Variants in GOSR1 observed in about 807,000 individuals in gnomAD.
GOSR1 encodes the protein 28 kDa Golgi SNARE protein.
In GOSR1, 21 loss-of-function variants were observed where a neutral mutation model predicts 35.5. The ratio of observed to expected loss-of-function variants is 0.59; its 90% CI spans 0.42 to 0.85. The LOEUF (loss-of-function observed/expected upper bound fraction) is 0.85, where lower values mean the gene tolerates loss of function less well. Ranked by LOEUF, GOSR1 falls within the 40% of genes least tolerant of loss-of-function variation. The pLI, the probability that GOSR1 is intolerant of heterozygous loss-of-function variation, is 0.00. For synonymous variants in GOSR1, 94 were observed against 106.6 expected (o/e 0.88, Z 0.73); for missense variants, 285 against 309.6 (o/e 0.92, Z 0.60).
At chr17:30,477,598 G>A (rs1160097208) in intron 1 of GOSR1, 134 bp downstream of exon 1, 1 of 1,392,390 alleles carries the variant, frequency 7.2e-7, no homozygotes, top group East Asian at 2.8e-5. Flanking sequence ...GCTTGCCTAA[G>A]TGGGATCCCC....
At chr17:30,494,808 C>A (rs7218912) in intron 6 of GOSR1, among the ~76,000 whole-genome samples, 92,130 of 151,366 alleles carry the variant, frequency 0.61, 29,363 homozygotes, top group East Asian at 0.83. Flanking sequence ...GGGTTTCACT[C>A]TGTTGGCCAG....
intron 6 of GOSR1, among the ~76,000 whole-genome samples, chr17:30,497,619 T>C (rs982679808): frequency 1.4e-4 from 22 of 152,234 alleles, no homozygotes; most frequent in Non-Finnish European, 3.1e-4. Flanking sequence ...ATTTTGCCTA[T>C]AGTGGTGTTA....
chr17:30,491,917 A>G (rs182561710), intron 5 of GOSR1, among the ~76,000 whole-genome samples: 36 of 152,208 alleles, frequency 2.4e-4, no homozygotes, highest in Non-Finnish European at 3.7e-4. Flanking sequence ...CCTGAGTCCA[A>G]TGTGTTCTTG....
intron 7 of GOSR1, among the ~76,000 whole-genome samples, chr17:30,511,153 A>T (rs1157738480): frequency 6.6e-6 from 1 of 152,190 alleles, no homozygotes; most frequent in African/African-American, 2.4e-5. Flanking sequence ...AATTTTTCCA[A>T]TTAATTTATA....
In GOSR1 at chr17:30,509,119, G is replaced by T. The variant is rs149464316; in HGVS notation, c.510-1761G>T. 5.9e-5 allele frequency among the ~76,000 whole-genome samples: 9 copies of T among 152,212 alleles called. No homozygotes were observed. In the East Asian group the frequency reaches 1.7e-3, roughly 29 times the overall value. On this transcript the variant is annotated intron_variant, in intron 6 of 8. Coordinates refer to ENST00000451249, the MANE Select transcript of GOSR1 (RefSeq NM_001007025.2). The stretch of plus-strand genomic sequence containing the variant: ...GCCTCCCGAGTAGCTGGGATTACAG[G>T]TGCCCGCCACCATGCCCAGCTAATT...
At chr17:30,480,725 T>TTTTTTTTTTC (rs1030095074) in intron 1 of GOSR1, 5 of 151,756 alleles carry the variant, frequency 3.3e-5, no homozygotes, top group African/African-American at 1.2e-4. Context: ...TATTTTCCTT[T>TTTTTTTTTTC]TTTTGAGACA....
intron 8 of GOSR1, 125 bp from the exon 9 acceptor site, chr17:30,522,129 T>G: frequency 2.6e-5 from 19 of 736,714 alleles, no homozygotes; most frequent in Non-Finnish European, 4.0e-5. Flanking sequence ...TCCCTTGGTG[T>G]GAGTTTCTTC....
rs1218104445 is a variant in GOSR1, at chr17:30,523,445, G to C, written c.*1067G>C. 1 of 165,780 alleles carries C rather than the reference G, an allele frequency of 6.0e-6. No individual in the cohort carries two copies. The highest frequency in any genetic ancestry group is 1.3e-5 in the Non-Finnish European group (1 of 77,820). 10.3% of individuals were successfully genotyped at this position (165,780 alleles called of 1,614,324 possible). On this transcript the variant is annotated 3_prime_UTR_variant, in exon 9 of 9. Coordinates refer to ENST00000451249, the MANE Select transcript of GOSR1 (RefSeq NM_001007025.2). ...AGCCGCCCTGTCTGAGAAGTGAGGA[G>C]CCCCTCCGCCCGGCAGCCACCCCAT...
chr17:30,514,846 C>G (rs536416455), intron 7 of GOSR1, among the ~76,000 whole-genome samples: 18 of 152,286 alleles, frequency 1.2e-4, no homozygotes, highest in African/African-American at 4.3e-4. Flanking sequence ...TCCAATTCTT[C>G]TATTACATTT....
In GOSR1 at chr17:30,526,618, G is replaced by GA. The variant is rs1186461725; in HGVS notation, c.*4246dup. ...CCTGTGATGGAAGATGTTTCCTCTT[G>GA]AAAAAATGCCAATACAGATTTTTAA... On this transcript the variant is annotated 3_prime_UTR_variant, in exon 9 of 9. Transcript: ENST00000451249. The GA allele has an allele frequency of 2.6e-5, 4 of 152,592 alleles. No homozygotes were observed. The highest frequency in any genetic ancestry group is 2.0e-4 in the Admixed American group (3 of 15,284). The allele number at this position is 152,592 out of a possible 1,614,324, so 9.5% of individuals were successfully genotyped here.
chr17:30,499,036 C>G (rs943352681), intron 6 of GOSR1, among the ~76,000 whole-genome samples: 3 of 152,194 alleles, frequency 2.0e-5, no homozygotes, highest in Non-Finnish European at 4.4e-5. Flanking sequence ...TCCCGGGCAG[C>G]TGCTTACTGG....
intron 8 of GOSR1, 95 bp downstream of exon 8, chr17:30,520,116 A>G: frequency 2.7e-6 from 2 of 752,832 alleles, no homozygotes; most frequent in South Asian, 3.1e-5. Context: ...CATCATCAGT[A>G]GCAGTAGAGC....
chr17:30,492,150 A>T (rs1915089323), intron 5 of GOSR1, among the ~76,000 whole-genome samples: 1 of 152,214 alleles, frequency 6.6e-6, no homozygotes, highest in Non-Finnish European at 1.5e-5. Context: ...AGTAGTGATA[A>T]GAGTAATTTT....
intron 6 of GOSR1, among the ~76,000 whole-genome samples, chr17:30,507,757 G>A (rs1415925450): frequency 6.6e-6 from 1 of 150,902 alleles, no homozygotes; most frequent in Non-Finnish European, 1.5e-5. Flanking sequence ...AGAAAGCGGA[G>A]CCTGAAGATG....
intron 1 of GOSR1, 72 bp from the exon 2 acceptor site, chr17:30,481,071 C>T: frequency 1.0e-6 from 1 of 987,062 alleles, no homozygotes; most frequent in Non-Finnish European, 1.6e-6. Context: ...AGTTTGTTTT[C>T]TTTAGAATGG....
intron 7 of GOSR1, among the ~76,000 whole-genome samples, chr17:30,511,165 T>G (rs1421031879): frequency 6.6e-6 from 1 of 152,240 alleles, no homozygotes; most frequent in African/African-American, 2.4e-5. Flanking sequence ...TAATTTATAC[T>G]TAATATTTTC....
At chr17:30,504,544 C>T (rs1967331808) in intron 6 of GOSR1, among the ~76,000 whole-genome samples, 1 of 152,110 alleles carries the variant, frequency 6.6e-6, no homozygotes, top group African/African-American at 2.4e-5. Flanking sequence ...TAAGTGTTTG[C>T]TTTATGAGAC....
chr17:30,498,282 A>G (rs1365177674), intron 6 of GOSR1, among the ~76,000 whole-genome samples: 1 of 152,088 alleles, frequency 6.6e-6, no homozygotes, highest in Non-Finnish European at 1.5e-5. Context: ...TTTGTTGAGC[A>G]TCTATGATGT....
chr17:30,504,263 G>C (rs1156943115), intron 6 of GOSR1, among the ~76,000 whole-genome samples: 2 of 152,102 alleles, frequency 1.3e-5, no homozygotes, highest in Non-Finnish European at 1.5e-5. Flanking sequence ...CTGACCTCAG[G>C]TGATCCACCT....
Sources: allele counts gnomAD v4.1 joint callset (sites outside exome capture counted in the v4.1 genomes callset), GRCh38; gene constraint gnomAD v4.1.1; transcripts MANE v1.5; gene names NCBI Gene and HGNC (gene_info 2026-07-23, HGNC 2026-07-21).